WDR72: variants seen among roughly 807,000 people sequenced by gnomAD.
WDR72 encodes the protein WD repeat-containing protein 72.
WDR72 carries 120 observed loss-of-function variants against 124.2 expected under a neutral mutation model. The observed-to-expected ratio is 0.97, with a 90% confidence interval of 0.83 to 1.12. The LOEUF is 1.12. Ranked by LOEUF, WDR72 falls within the 50% of genes most tolerant of loss-of-function variation. The pLI, the probability that WDR72 is intolerant of heterozygous loss-of-function variation, is 0.00. For synonymous variants in WDR72, 452 were observed against 441.7 expected (o/e 1.02, Z -0.29); for missense variants, 1,387 against 1,278.8 (o/e 1.08, Z -1.29).
At chr15:53,616,348 G>A in intron 14 of WDR72, 105 bp from the exon 15 acceptor site, 1 of 873,992 alleles carries the variant, frequency 1.1e-6, no homozygotes, top group Admixed American at 2.3e-5. Context: ...TTGCAGAGCA[G>A]CTAAAGGCAA....
chr15:53,715,326 A>G lies in WDR72; in HGVS notation c.381T>C (p.Leu127=). 1 of 1,614,170 alleles carries G rather than the reference A, an allele frequency of 6.2e-7. No homozygotes were observed. Among genetic ancestry groups the G allele is most frequent in the Non-Finnish European group, 8.5e-7 (1 of 1,180,006 alleles). The change falls in exon 5 of 20, where the codon CTT becomes CTC. Residue 127 remains leucine (L), a synonymous_variant. Transcript: ENST00000360509. ...CSFRMTGEGW[L]LCCGEYQDVL... is the part of the protein sequence containing the mutation. ...CATCTTGATATTCTCCACAACAAAG[A>G]AGCCAGCCTTCTCCTGTCATCCGGA...
chr15:53,537,922 T>G (rs554336194), intron 18 of WDR72, among the ~76,000 whole-genome samples: 2 of 152,162 alleles, frequency 1.3e-5, no homozygotes, highest in Non-Finnish European at 2.9e-5. Context: ...TTTTACCAGT[T>G]TAAAGAGGCA....
At chr15:53,648,042 C>T (rs1298847404) in intron 14 of WDR72, among the ~76,000 whole-genome samples, 1 of 152,110 alleles carries the variant, frequency 6.6e-6, no homozygotes, top group Non-Finnish European at 1.5e-5. Context: ...GACACAGAAA[C>T]AAATTCCCCC....
chr15:53,680,768 G>C (rs1203438425), intron 13 of WDR72, among the ~76,000 whole-genome samples: 2 of 152,060 alleles, frequency 1.3e-5, no homozygotes, highest in Non-Finnish European at 2.9e-5. Context: ...TGGAGTGTTG[G>C]GTACTCAGAT....
At chr15:53,600,669 G>C (rs139168110) in intron 17 of WDR72, among the ~76,000 whole-genome samples, 23 of 152,206 alleles carry the variant, frequency 1.5e-4, no homozygotes, top group African/African-American at 5.1e-4. Flanking sequence ...CCTGTGTCCT[G>C]GTTGTTGTTC....
At chr15:53,750,380 C>CTGAGAT (rs2018745117) in intron 1 of WDR72, among the ~76,000 whole-genome samples, 1 of 152,058 alleles carries the variant, frequency 6.6e-6, no homozygotes, top group Non-Finnish European at 1.5e-5. Context: ...TTGTTGAGAT[C>CTGAGAT]TACTGCTCAG....
At chr15:53,598,682 G>T (rs2012896697) in intron 17 of WDR72, among the ~76,000 whole-genome samples, 1 of 152,050 alleles carries the variant, frequency 6.6e-6, no homozygotes, top group African/African-American at 2.4e-5. Context: ...CCCTTGTCCA[G>T]CCCACACTCA....
chr15:53,681,787 T>C (rs1390390077), intron 13 of WDR72, among the ~76,000 whole-genome samples: 1 of 151,950 alleles, frequency 6.6e-6, no homozygotes, highest in African/African-American at 2.4e-5. Context: ...TATATTAAGA[T>C]GCCAGGAGAA....
At chr15:53,743,656 C>T (rs1178186741) in intron 1 of WDR72, among the ~76,000 whole-genome samples, 2 of 152,086 alleles carry the variant, frequency 1.3e-5, no homozygotes, top group Middle Eastern at 3.2e-3. Context: ...TTTTAAAGTA[C>T]TAGTGATAGC....
chr15:53,553,009 T>C (rs768972104), intron 18 of WDR72, among the ~76,000 whole-genome samples: 1 of 152,106 alleles, frequency 6.6e-6, no homozygotes, highest in Non-Finnish European at 1.5e-5. Flanking sequence ...CAACGGTCAA[T>C]ATCATTTAAA....
At chr15:53,708,036 C>A (rs1248880933) in intron 9 of WDR72, among the ~76,000 whole-genome samples, 1 of 152,190 alleles carries the variant, frequency 6.6e-6, no homozygotes, top group African/African-American at 2.4e-5. Context: ...CCTTCACCTT[C>A]CACATTGCTG....
intron 18 of WDR72, among the ~76,000 whole-genome samples, chr15:53,592,747 G>C (rs1352679689): frequency 6.6e-6 from 1 of 151,934 alleles, no homozygotes; most frequent in Non-Finnish European, 1.5e-5. Context: ...GAACAATTTA[G>C]AGCACTTGTT....
intron 13 of WDR72, among the ~76,000 whole-genome samples, chr15:53,696,633 T>C (rs758426676): frequency 6.6e-6 from 1 of 152,194 alleles, no homozygotes; most frequent in Non-Finnish European, 1.5e-5. Flanking sequence ...ATGGAAACAC[T>C]TCCTGATCTC....
chr15:53,675,311 C>G (rs900933689), intron 13 of WDR72, among the ~76,000 whole-genome samples: 1 of 149,338 alleles, frequency 6.7e-6, no homozygotes, highest in Admixed American at 6.7e-5. Context: ...CCACTGCACT[C>G]CAGCCTTGAG....
intron 18 of WDR72, among the ~76,000 whole-genome samples, chr15:53,525,877 A>C (rs1892084946): frequency 6.6e-6 from 1 of 152,080 alleles, no homozygotes; most frequent in East Asian, 1.9e-4. Flanking sequence ...CATCCAATTA[A>C]ATTTACTGTA....
At chr15:53,716,902 CTTACT>C (rs2017728449) in intron 3 of WDR72, among the ~76,000 whole-genome samples, 1 of 152,118 alleles carries the variant, frequency 6.6e-6, no homozygotes, top group African/African-American at 2.4e-5. Flanking sequence ...GCCTGCAAAC[CTTACT>C]TTAGAGACAA....
At chr15:53,587,565 T>C (rs2012281117) in intron 18 of WDR72, among the ~76,000 whole-genome samples, 2 of 152,030 alleles carry the variant, frequency 1.3e-5, no homozygotes, top group Non-Finnish European at 2.9e-5. Context: ...ATGATGTATG[T>C]AGGTAGGTTA....
At chr15:53,742,319 C>T (rs1158110254) in intron 1 of WDR72, among the ~76,000 whole-genome samples, 1 of 152,138 alleles carries the variant, frequency 6.6e-6, no homozygotes, top group Admixed American at 6.6e-5. Context: ...TAAAAACTCT[C>T]TATAGAATCT....
At chr15:53,537,272 A>G (rs1212425457) in intron 18 of WDR72, among the ~76,000 whole-genome samples, 1 of 152,154 alleles carries the variant, frequency 6.6e-6, no homozygotes, top group East Asian at 1.9e-4. Context: ...GTTTAATTGA[A>G]TGACATTGTA....
Sources: allele counts gnomAD v4.1 joint callset (sites outside exome capture counted in the v4.1 genomes callset), GRCh38; gene constraint gnomAD v4.1.1; transcripts MANE v1.5; gene names NCBI Gene and HGNC (gene_info 2026-07-23, HGNC 2026-07-21).